Variants in ZNF536 observed in about 807,000 individuals in gnomAD.
ZNF536 encodes the protein zinc finger protein 536.
ZNF536 carries 13 observed loss-of-function variants against 84.5 expected under a neutral mutation model. That is an observed-to-expected ratio of 0.15 (90% CI 0.10 to 0.24). The LOEUF (loss-of-function observed/expected upper bound fraction) is 0.24. Among genes scored for constraint, ZNF536 ranks in the 10% least tolerant of loss-of-function variants. The pLI is 1.00. For missense variants in ZNF536, 1,536 were observed against 1,747.5 expected, an observed-to-expected ratio of 0.88 and a Z score of 2.16; for synonymous variants, 811 against 742.5, an observed-to-expected ratio of 1.09 and a Z score of -1.50.
intron 1 of ZNF536, among the ~76,000 whole-genome samples, chr19:30,275,949 G>C (rs1277655395): frequency 6.6e-6 from 1 of 151,954 alleles, no homozygotes; most frequent in African/African-American, 2.4e-5. Flanking sequence ...CTGAATCACC[G>C]GCAAGAGTAT....
At chr19:30,247,948 G>A (rs1402314567) in intron 1 of ZNF536, among the ~76,000 whole-genome samples, 1 of 152,162 alleles carries the variant, frequency 6.6e-6, no homozygotes, top group African/African-American at 2.4e-5. Context: ...AGTATTTCAC[G>A]CCACAATCAC....
chr19:30,245,138 G>A (rs934334130), intron 1 of ZNF536, among the ~76,000 whole-genome samples: 1 of 152,158 alleles, frequency 6.6e-6, no homozygotes, highest in African/African-American at 2.4e-5. Flanking sequence ...TAGCACACCT[G>A]TTTCCTCTGC....
intron 2 of ZNF536, among the ~76,000 whole-genome samples, chr19:30,349,340 C>A (rs1312435331): frequency 6.6e-6 from 1 of 152,134 alleles, no homozygotes; most frequent in Non-Finnish European, 1.5e-5. Flanking sequence ...TGGCCTTGAC[C>A]CCGGTGTGAA....
chr19:30,323,422 T>C (rs980576950), intron 2 of ZNF536, among the ~76,000 whole-genome samples: 3 of 152,212 alleles, frequency 2.0e-5, no homozygotes, highest in African/African-American at 7.2e-5. Flanking sequence ...CCACAATCAA[T>C]AATTTTATTC....
rs71333464 is a variant in ZNF536, at chr19:30,666,832, G to GTGTGTATA, written c.170-43924_170-43923insGTGTATAT. ...TGTATGTGTATATATGTGTGTGTGT[G>GTGTGTATA]TATATATATATATATATGTATGTAT... is the stretch of plus-strand genomic sequence containing the variant. On this transcript the variant is annotated intron_variant, in intron 1 of 1. Transcript: ENST00000592773. Among the ~76,000 whole-genome samples, 803 of 149,100 alleles carry GTGTGTATA rather than the reference G, an allele frequency of 5.4e-3. 6 individuals carry two copies. The highest frequency in any genetic ancestry group is 0.019 in the African/African-American group (756 of 40,518).
intron 1 of ZNF536, among the ~76,000 whole-genome samples, chr19:30,591,133 C>T (rs2047264218): frequency 6.6e-6 from 1 of 152,212 alleles, no homozygotes; most frequent in African/African-American, 2.4e-5. Context: ...GAAGAGAATT[C>T]AGACCAGAAG....
chr19:30,559,003 G>T (rs2046064170), downstream of ZNF536, among the ~76,000 whole-genome samples: 1 of 152,190 alleles, frequency 6.6e-6, no homozygotes, highest in Non-Finnish European at 1.5e-5. Context: ...ACCCTAGCTG[G>T]TTGAAACATT....
intron 1 of ZNF536, among the ~76,000 whole-genome samples, chr19:30,383,183 G>A (rs1291330387): frequency 2.0e-5 from 3 of 152,094 alleles, no homozygotes; most frequent in African/African-American, 2.4e-5. Context: ...CCAGCTACTC[G>A]GGAGGCTGAG....
chr19:30,240,139 C>T (rs1384530327), intron 1 of ZNF536, among the ~76,000 whole-genome samples: 5 of 151,890 alleles, frequency 3.3e-5, no homozygotes, highest in Admixed American at 1.3e-4. Flanking sequence ...GAGGCCGAGG[C>T]GAGCAGATCT....
At chr19:30,662,805 G>A (rs1039963686) in intron 1 of ZNF536, among the ~76,000 whole-genome samples, 7 of 152,036 alleles carry the variant, frequency 4.6e-5, no homozygotes, top group Middle Eastern at 3.2e-3. Context: ...CAAATAATGA[G>A]GAAAGAGCTT....
chr19:30,295,384 G>T (rs1260158254), intron 2 of ZNF536, among the ~76,000 whole-genome samples: 1 of 152,186 alleles, frequency 6.6e-6, no homozygotes, highest in Non-Finnish European at 1.5e-5. Context: ...ATGAACGGCT[G>T]GGGTAGTGTC....
chr19:30,272,405 T>C (rs1207340004), intron 1 of ZNF536, among the ~76,000 whole-genome samples: 5 of 152,240 alleles, frequency 3.3e-5, no homozygotes, highest in Non-Finnish European at 7.3e-5. Context: ...TTATGATTGT[T>C]GAACCAATAT....
intron 3 of ZNF536, among the ~76,000 whole-genome samples, chr19:30,359,719 T>C (rs572959319): frequency 1.2e-3 from 185 of 152,176 alleles, no homozygotes; most frequent in Admixed American, 2.4e-3. Context: ...GGGTAAGGGC[T>C]GCTTGGGAAA....
At chr19:30,671,655 C>T (rs1366300239) in intron 1 of ZNF536, among the ~76,000 whole-genome samples, 2 of 152,150 alleles carry the variant, frequency 1.3e-5, no homozygotes, top group African/African-American at 4.8e-5. Context: ...AGGAGGCGGG[C>T]AGTCTGCAGT....
At chr19:30,267,707 A>T (rs1485062047) in intron 1 of ZNF536, among the ~76,000 whole-genome samples, 2 of 152,134 alleles carry the variant, frequency 1.3e-5, no homozygotes, top group African/African-American at 4.8e-5. Flanking sequence ...GAGTATCACC[A>T]GTTCATGAAG....
intron 1 of ZNF536, among the ~76,000 whole-genome samples, chr19:30,576,880 T>C (rs2046758245): frequency 6.6e-6 from 1 of 152,232 alleles, no homozygotes; most frequent in African/African-American, 2.4e-5. Flanking sequence ...AGGGAGGCAC[T>C]CTGCAAGCCG....
At chr19:30,508,531 C>T (rs1345976338) in intron 2 of ZNF536, among the ~76,000 whole-genome samples, 1 of 152,096 alleles carries the variant, frequency 6.6e-6, no homozygotes, top group Non-Finnish European at 1.5e-5. Flanking sequence ...ATGATCCGGG[C>T]CATGAGACTG....
chr19:30,399,561 A>C (rs1446562528), intron 1 of ZNF536, among the ~76,000 whole-genome samples: 1 of 152,058 alleles, frequency 6.6e-6, no homozygotes, highest in Non-Finnish European at 1.5e-5. Context: ...CTTAAGTTTA[A>C]ATTTTTAATC....
chr19:30,684,087 A>G (rs1225411258), intron 1 of ZNF536, among the ~76,000 whole-genome samples: 3 of 152,166 alleles, frequency 2.0e-5, no homozygotes, highest in Non-Finnish European at 1.5e-5. Flanking sequence ...AACCACAAGT[A>G]AAAGAACCAA....
Sources: gnomAD v4.1 joint callset for allele counts (sites outside exome capture counted in the v4.1 genomes callset) on GRCh38, gnomAD v4.1.1 for gene constraint, MANE v1.5 for transcripts, NCBI Gene and HGNC (gene_info 2026-07-23, HGNC 2026-07-21) for gene names.